Variants in CEP112 observed in about 807,000 individuals in gnomAD.
CEP112 encodes the protein centrosomal protein of 112 kDa.
CEP112 carries 127 observed loss-of-function variants against 153.0 expected under a neutral mutation model. The observed-to-expected ratio is 0.83, with a 90% confidence interval of 0.72 to 0.96. CEP112 has a LOEUF of 0.96. Ranked by LOEUF, CEP112 falls within the 40% of genes least tolerant of loss-of-function variation. CEP112 has a pLI of 0.00. For missense variants in CEP112, 1,089 were observed against 1,101.2 expected (o/e 0.99, Z 0.16); for synonymous variants, 358 against 374.4 (o/e 0.96, Z 0.51).
chr17:65,907,193 T>C (rs895195439), intron 19 of CEP112, among the ~76,000 whole-genome samples: 5 of 152,198 alleles, frequency 3.3e-5, no homozygotes, highest in African/African-American at 7.2e-5. Flanking sequence ...CCTTGTTCTG[T>C]ACTCTAGTAG....
intron 23 of CEP112, among the ~76,000 whole-genome samples, chr17:65,691,648 A>G (rs2048108319): frequency 6.6e-6 from 1 of 152,184 alleles, no homozygotes; most frequent in Non-Finnish European, 1.5e-5. Flanking sequence ...GTTGTGTTCT[A>G]CTTCCAAAAG....
chr17:65,998,545 A>T (rs902644631), intron 17 of CEP112, among the ~76,000 whole-genome samples: 1 of 129,810 alleles, frequency 7.7e-6, no homozygotes, highest in Non-Finnish European at 1.9e-5. Flanking sequence ...TATTTTCTTT[A>T]AAAAGAAAAA....
chr17:66,099,504 CA>C (rs71160532), intron 6 of CEP112, among the ~76,000 whole-genome samples: 90 of 113,938 alleles, frequency 7.9e-4, no homozygotes, highest in African/African-American at 3.3e-3. Flanking sequence ...AACTCTGTCT[CA>C]AAAAAAAAAA....
chr17:66,153,808 C>A (rs149193722), intron 4 of CEP112, among the ~76,000 whole-genome samples: 1 of 151,998 alleles, frequency 6.6e-6, no homozygotes, highest in East Asian at 1.9e-4. Flanking sequence ...GATAAACAGG[C>A]CAATGAAAGA....
chr17:66,112,129 G>A (rs530666856), intron 6 of CEP112, among the ~76,000 whole-genome samples: 102 of 151,504 alleles, frequency 6.7e-4, no homozygotes, highest in African/African-American at 2.4e-3. Context: ...CATCTCTACC[G>A]AAAATACAAA....
In CEP112 at chr17:65,743,142, G is replaced by T; in HGVS notation, c.2533C>A (p.Arg845=). 6.2e-7 allele frequency: 1 copy of T among 1,612,732 alleles called. No homozygotes were observed. Among genetic ancestry groups the T allele is most frequent in the South Asian group, 1.1e-5 (1 of 90,798 alleles). ...NSQQQLAAER[R]LQDVRQKFED... is the part of the protein sequence containing the mutation. ...AACTTTTGTCTAACATCCTGGAGCC[G>T]CCTTTCTGCAGCAAGCTGCTGCTGG... Residue 845 remains arginine (R), a synonymous_variant, in exon 23 of 27, where the codon CGG becomes AGG. Coordinates refer to ENST00000535342, the MANE Select transcript of CEP112 (RefSeq NM_001199165.4).
intron 17 of CEP112, among the ~76,000 whole-genome samples, chr17:65,967,323 G>A (rs182659957): frequency 4.8e-4 from 73 of 152,264 alleles, no homozygotes; most frequent in African/African-American, 1.4e-3. Context: ...AATCTATGAC[G>A]CCAACTGGAT....
intron 4 of CEP112, among the ~76,000 whole-genome samples, chr17:66,134,256 C>T (rs2070334847): frequency 6.6e-6 from 1 of 152,164 alleles, no homozygotes; most frequent in African/African-American, 2.4e-5. Context: ...GGGTTGCATA[C>T]ATAAAACGAC....
At chr17:65,714,886 A>AGGCAGTGGGGAGCAGTTGAAAGC (rs1361234771) in intron 23 of CEP112, among the ~76,000 whole-genome samples, 5 of 152,120 alleles carry the variant, frequency 3.3e-5, no homozygotes, top group African/African-American at 1.2e-4. Context: ...TGGAGCTGTT[A>AGGCAGTGGGGAGCAGTTGAAAGC]GGCAGTGGGG....
At chr17:66,027,375 T>TAAAA in intron 16 of CEP112, 126 bp downstream of exon 16, 1 of 853,018 alleles carries the variant, frequency 1.2e-6, no homozygotes, top group Non-Finnish European at 1.6e-6. Context: ...AGACTCTGTC[T>TAAAA]AAAAAAAAAG....
chr17:65,819,549 T>C (rs1035395289), intron 21 of CEP112, among the ~76,000 whole-genome samples: 14 of 151,828 alleles, frequency 9.2e-5, no homozygotes, highest in Non-Finnish European at 2.1e-4. Flanking sequence ...AAATGAAAAA[T>C]GATTAATTTT....
chr17:65,986,735 A>T (rs2145199081), intron 17 of CEP112, among the ~76,000 whole-genome samples: 1 of 152,304 alleles, frequency 6.6e-6, no homozygotes, highest in East Asian at 1.9e-4. Flanking sequence ...ATATATCACT[A>T]GTAAAGCAGA....
chr17:65,803,066 A>G (rs543499417), intron 21 of CEP112, among the ~76,000 whole-genome samples: 1 of 152,354 alleles, frequency 6.6e-6, no homozygotes, highest in African/African-American at 2.4e-5. Context: ...CTGAGCTAAC[A>G]TGTGAGATAT....
chr17:66,176,070 G>A (rs1476542014), intron 3 of CEP112, among the ~76,000 whole-genome samples: 1 of 152,146 alleles, frequency 6.6e-6, no homozygotes, highest in Non-Finnish European at 1.5e-5. Context: ...ATGGAAAACA[G>A]GAATTATTCT....
At chr17:65,917,708 G>C (rs1028644933) in intron 19 of CEP112, among the ~76,000 whole-genome samples, 1 of 151,736 alleles carries the variant, frequency 6.6e-6, no homozygotes, top group African/African-American at 2.4e-5. Flanking sequence ...CTTTTCTCAC[G>C]AGGCACAGGA....
At chr17:65,664,199 G>A (rs1332029774) in intron 24 of CEP112, among the ~76,000 whole-genome samples, 2 of 152,198 alleles carry the variant, frequency 1.3e-5, no homozygotes, top group African/African-American at 4.8e-5. Context: ...TGCTCCCAAA[G>A]CTGAGTAGCA....
chr17:65,706,990 T>A (rs1480620491), intron 23 of CEP112, among the ~76,000 whole-genome samples: 1 of 152,210 alleles, frequency 6.6e-6, no homozygotes. Flanking sequence ...ATTCCACATG[T>A]TCCCTCCCAA....
intron 23 of CEP112, among the ~76,000 whole-genome samples, chr17:65,721,097 C>T (rs1413214894): frequency 1.1e-4 from 17 of 149,720 alleles, no homozygotes; most frequent in Non-Finnish European, 1.8e-4. Context: ...CTGCAAGCTT[C>T]GCCTCCCGGG....
At chr17:66,171,830 T>G (rs1478946647) in intron 4 of CEP112, among the ~76,000 whole-genome samples, 1 of 152,236 alleles carries the variant, frequency 6.6e-6, no homozygotes, top group South Asian at 2.1e-4. Context: ...ATATTTTGTT[T>G]TGGCAGCCCT....
Sources: gnomAD v4.1 joint callset for allele counts (sites outside exome capture counted in the v4.1 genomes callset) on GRCh38, gnomAD v4.1.1 for gene constraint, MANE v1.5 for transcripts, NCBI Gene and HGNC (gene_info 2026-07-23, HGNC 2026-07-21) for gene names.